PCLO: variants seen among roughly 807,000 people sequenced by gnomAD.
The protein encoded by PCLO is protein piccolo.
Under a neutral mutation model 427.5 loss-of-function variants are expected in PCLO, and 82 were observed. The ratio of observed to expected loss-of-function variants is 0.19; its 90% CI spans 0.16 to 0.23. PCLO has a LOEUF of 0.23. Ranked by LOEUF, PCLO falls within the 10% of genes least tolerant of loss-of-function variation. The probability of loss-of-function intolerance (pLI) is 1.00; values close to 1 mark genes in which losing one functional copy is unlikely to be tolerated. For missense variants in PCLO, 6,239 were observed against 6,115.9 expected (o/e 1.02, Z -0.67); for synonymous variants, 2,357 against 2,155.4 (o/e 1.09, Z -2.59).
intron 22 of PCLO, among the ~76,000 whole-genome samples, chr7:82,777,179 A>G (rs1428036525): frequency 6.6e-6 from 1 of 152,130 alleles, no homozygotes; most frequent in Non-Finnish European, 1.5e-5. Context: ...TAAAATACCT[A>G]GGAATACAGC....
chr7:83,052,757 C>T (rs939484093), intron 3 of PCLO, among the ~76,000 whole-genome samples: 7 of 152,004 alleles, frequency 4.6e-5, no homozygotes, highest in South Asian at 2.1e-4. Context: ...ATAATCTTGA[C>T]GACTTTCCCT....
intron 9 of PCLO, among the ~76,000 whole-genome samples, chr7:82,887,177 A>C (rs1436050505): frequency 1.3e-5 from 2 of 152,094 alleles, no homozygotes; most frequent in East Asian, 3.9e-4. Context: ...TTTTACAACA[A>C]AGCAGCTGAG....
intron 7 of PCLO, among the ~76,000 whole-genome samples, chr7:82,909,351 C>G (rs1209187133): frequency 1.3e-5 from 2 of 151,972 alleles, no homozygotes; most frequent in African/African-American, 4.8e-5. Context: ...TCAAAAGGAT[C>G]ATTCTATTTA....
rs567020563 is a variant in PCLO, at chr7:82,995,025, T to A, written c.3301-28538A>T. ...TTGACCTCCAATATTGTAAAGGCAATGTTTAGGCTATGAAGTGATGATGCT... is the reference window on the plus strand; with the variant it reads ...TTGACCTCCAATATTGTAAAGGCAAAGTTTAGGCTATGAAGTGATGATGCT... On this transcript the variant is annotated intron_variant, in intron 3 of 24. Transcript: ENST00000333891. 5.9e-5 allele frequency among the ~76,000 whole-genome samples: 9 copies of A among 152,040 alleles called. No homozygotes were observed. The South Asian group carries it at 1.7e-3, about 28-fold the overall frequency.
chr7:83,155,021 T>C lies in PCLO; in HGVS notation c.1620A>G (p.Ser540=), dbSNP rs1792232995. 1.2e-6 allele frequency: 2 copies of C among 1,613,686 alleles called. No homozygotes were observed. Among genetic ancestry groups the C allele is most frequent in the Middle Eastern group, 3.3e-4 (2 of 6,060 alleles). Residue 540 remains serine, a synonymous_variant, in exon 2 of 25, where the codon TCA becomes TCG. Transcript: ENST00000333891. ...PSQQPGSAKP[S]AQQPSPAKPS... ...GCTTTGCTGGGCTAGGCTGTTGAGCTGAGGGTTTTGCTGAGCCAGGCTGTT... is the reference window on the plus strand; with the variant it reads ...GCTTTGCTGGGCTAGGCTGTTGAGCCGAGGGTTTTGCTGAGCCAGGCTGTT...
intron 3 of PCLO, among the ~76,000 whole-genome samples, chr7:83,059,381 A>ATATATATATATATAT (rs757350399): frequency 0.02 from 1,876 of 95,374 alleles, 32 homozygotes; most frequent in Non-Finnish European, 0.031. Context: ...TATATATATA[A>ATATATATATATATAT]AAATGAAAAA....
chr7:82,976,613 A>T (rs932783526), intron 3 of PCLO, among the ~76,000 whole-genome samples: 18 of 152,176 alleles, frequency 1.2e-4, no homozygotes, highest in African/African-American at 4.1e-4. Context: ...TTGGATATTA[A>T]CTTGCATGAC....
rs995280437 is a variant in PCLO, at chr7:82,953,637, G to C, written c.7316C>G (p.Pro2439Arg). The change falls in exon 5 of 25, where the codon CCT (proline) becomes CGT (arginine). Residue 2439 changes from proline to arginine, a missense_variant. Transcript: ENST00000333891. ...PPTSPKPTIL[P>R]KKKLTVASPV... ...AGATGCAACTGTTAACTTTTTTTTA[G>C]GAAGAATAGTTGGTTTAGGTGAAGT... 2 of 1,581,922 alleles carry C rather than the reference G, an allele frequency of 1.3e-6. No individual in the cohort carries two copies. The highest frequency in any genetic ancestry group is 3.5e-5 in the Admixed American group (2 of 57,376).
intron 7 of PCLO, among the ~76,000 whole-genome samples, chr7:82,909,727 T>C (rs1216746786): frequency 1.3e-5 from 2 of 152,098 alleles, no homozygotes; most frequent in Non-Finnish European, 1.5e-5. Flanking sequence ...GTTAGGAACA[T>C]GTGTGCCATG....
chr7:83,096,961 A>ATATTATATATT (rs1288699975), intron 3 of PCLO, among the ~76,000 whole-genome samples: 1 of 28,618 alleles, frequency 3.5e-5, no homozygotes, highest in African/African-American at 2.2e-4. Flanking sequence ...TAAATAATAT[A>ATATTATATATT]ATATAATATA....
At chr7:82,819,729 A>AT (rs1791750830) in intron 20 of PCLO, among the ~76,000 whole-genome samples, 1 of 152,126 alleles carries the variant, frequency 6.6e-6, no homozygotes, top group Admixed American at 6.6e-5. Context: ...AATGCGACAT[A>AT]TATCTTACAT....
At position 82,908,199 on chromosome 7, in the gene PCLO, G is replaced by A. The variant is rs557455403; in HGVS notation, c.13437+678C>T. On this transcript the variant is annotated intron_variant, in intron 8 of 24. Transcript: ENST00000333891. ...TCACTCAACTCTTAGTCTCGTAGTT[G>A]TATTTCAAAATTCAATTCAAACATC... Among the ~76,000 whole-genome samples the A allele has an allele frequency of 2.6e-5, 4 of 152,132 alleles. No individual in the cohort carries two copies. The South Asian group carries it at 8.3e-4, about 32-fold the overall frequency.
intron 3 of PCLO, among the ~76,000 whole-genome samples, chr7:83,080,047 G>A (rs1254090725): frequency 6.6e-6 from 1 of 152,092 alleles, no homozygotes; most frequent in African/African-American, 2.4e-5. Flanking sequence ...CAAAAGACAT[G>A]ATCTCATTCC....
chr7:83,132,163 T>A (rs1791590803), intron 3 of PCLO, among the ~76,000 whole-genome samples: 1 of 152,102 alleles, frequency 6.6e-6, no homozygotes, highest in Non-Finnish European at 1.5e-5. Context: ...GTCACCAAGA[T>A]CTTATACTAA....
chr7:83,150,480 G>A (rs1263679125), intron 2 of PCLO, among the ~76,000 whole-genome samples: 3 of 152,192 alleles, frequency 2.0e-5, no homozygotes, highest in South Asian at 2.1e-4. Context: ...TCACATAGAT[G>A]TTTGGGTTGC....
chr7:82,930,027 C>A (rs532799995), intron 6 of PCLO, among the ~76,000 whole-genome samples: 6 of 152,266 alleles, frequency 3.9e-5, no homozygotes, highest in African/African-American at 1.4e-4. Flanking sequence ...TTGCTAGGAA[C>A]TTTAACATGA....
At chr7:82,765,305 A>C (rs6968297) in intron 22 of PCLO, among the ~76,000 whole-genome samples, 72,171 of 151,360 alleles carry the variant, frequency 0.48, 18,194 homozygotes, top group East Asian at 0.72. Flanking sequence ...TAAAAAAATA[A>C]AAAATACAAT....
At position 82,953,400 on chromosome 7, in the gene PCLO, T is replaced by G; in HGVS notation, c.7553A>C (p.Gln2518Pro). Residue 2518 changes from glutamine to proline, a missense_variant, in exon 5 of 25, where the codon CAG becomes CCG. Physicochemically the swap from Gln to Pro is moderately conservative, Grantham distance 76. Around this residue, in one of 5 missense-constraint regions of PCLO, gnomAD observed 4,677 missense variants for 4,468.4 expected, o/e 1.05. Transcript: ENST00000333891. ...PPIAPKPVIPQLPTTTQKPTD... is the reference protein window; with the variant it reads ...PPIAPKPVIPPLPTTTQKPTD... The stretch of plus-strand genomic sequence containing the variant: ...TGGTTTTTGTGTAGTTGTTGGAAGC[T>G]GAGGAATCACTGGTTTGGGGGCGAT... 1 of 1,613,686 alleles carries G rather than the reference T, an allele frequency of 6.2e-7. No individual in the cohort carries two copies. Among genetic ancestry groups the G allele is most frequent in the Non-Finnish European group, 8.5e-7 (1 of 1,179,820 alleles).
chr7:83,064,848 T>C (rs1425432228), intron 3 of PCLO, among the ~76,000 whole-genome samples: 1 of 151,976 alleles, frequency 6.6e-6, no homozygotes, highest in Non-Finnish European at 1.5e-5. Flanking sequence ...AAAAGAATAA[T>C]AACTATAATT....
Sources: gnomAD v4.1 joint callset for allele counts (sites outside exome capture counted in the v4.1 genomes callset) on GRCh38, gnomAD v4.1.1 for gene constraint, gnomAD v4.1.1 regional missense constraint, MANE v1.5 for transcripts, NCBI Gene and HGNC (gene_info 2026-07-23, HGNC 2026-07-21) for gene names.